Variants in FAM174B observed in about 807,000 individuals in gnomAD.
FAM174B encodes membrane protein FAM174B.
A neutral mutation model predicts 10.9 loss-of-function variants in FAM174B; 12 were observed. The ratio of observed to expected loss-of-function variants is 1.10; its 90% CI spans 0.71 to 1.79. The LOEUF is 1.79. Among genes scored for constraint, FAM174B ranks in the 40% most tolerant of loss-of-function variants. FAM174B has a pLI of 0.00. For synonymous variants in FAM174B, 132 were observed against 115.8 expected (o/e 1.14, Z -0.90); for missense variants, 266 against 233.3 (o/e 1.14, Z -0.91).
chr15:92,628,429 C>T (rs181806774), intron 2 of FAM174B, among the ~76,000 whole-genome samples: 8 of 149,474 alleles, frequency 5.4e-5, no homozygotes, highest in African/African-American at 9.9e-5. Flanking sequence ...ATCTGCACTC[C>T]TCGGCCTCTC....
intron 1 of FAM174B, 62 bp downstream of exon 1, chr15:92,655,254 C>A (rs892722662): frequency 4.8e-6 from 7 of 1,454,656 alleles, no homozygotes; most frequent in Non-Finnish European, 6.3e-6. Flanking sequence ...CGCGCGGCGA[C>A]AGCAGGTTGG....
At chr15:92,630,784 A>G (rs1468330971) in intron 1 of FAM174B, among the ~76,000 whole-genome samples, 1 of 87,094 alleles carries the variant, frequency 1.1e-5, no homozygotes, top group Non-Finnish European at 2.7e-5. Flanking sequence ...TATATTTTAT[A>G]TATTACATAT....
intron 1 of FAM174B, among the ~76,000 whole-genome samples, chr15:92,648,482 C>T (rs765334741): frequency 2.0e-5 from 3 of 152,162 alleles, no homozygotes; most frequent in Non-Finnish European, 4.4e-5. Context: ...GGAGACCTCG[C>T]TGGACAGGGC....
At chr15:92,626,180 T>G (rs1306005250) in intron 2 of FAM174B, among the ~76,000 whole-genome samples, 1 of 135,514 alleles carries the variant, frequency 7.4e-6, no homozygotes, top group Non-Finnish European at 1.5e-5. Context: ...CTCACTGCAA[T>G]CTCTGCCTCC....
chr15:92,626,139 A>ACGGAGTCTCACTCTTTCAC (rs373252541), intron 2 of FAM174B, among the ~76,000 whole-genome samples: 2 of 137,394 alleles, frequency 1.5e-5, no homozygotes, highest in African/African-American at 2.7e-5. Context: ...TTTTTTTGAG[A>ACGGAGTCTCACTCTTTCAC]CCAGGCCGGA....
chr15:92,635,120 G>GTC (rs71156651), intron 1 of FAM174B, among the ~76,000 whole-genome samples: 12 of 146,778 alleles, frequency 8.2e-5, no homozygotes, highest in African/African-American at 1.0e-4. Context: ...CTCTTTCTCT[G>GTC]TCTCTCTCTC....
At chr15:92,624,082 G>T (rs1376911242) in intron 2 of FAM174B, among the ~76,000 whole-genome samples, 1 of 152,150 alleles carries the variant, frequency 6.6e-6, no homozygotes. Context: ...CACCCTAAAT[G>T]AAAATTGCCC....
chr15:92,632,068 C>T (rs1241999611), intron 1 of FAM174B, among the ~76,000 whole-genome samples: 1 of 152,058 alleles, frequency 6.6e-6, no homozygotes, highest in Non-Finnish European at 1.5e-5. Flanking sequence ...ACAGCAGGCT[C>T]TTGGCAAAAG....
chr15:92,627,722 C>G (rs1461451099), intron 2 of FAM174B, among the ~76,000 whole-genome samples: 3 of 152,190 alleles, frequency 2.0e-5, no homozygotes, highest in Non-Finnish European at 4.4e-5. Flanking sequence ...AGAATCAAAA[C>G]AGTACATTGA....
chr15:92,633,133 G>A (rs377001840), intron 1 of FAM174B, among the ~76,000 whole-genome samples: 1 of 151,762 alleles, frequency 6.6e-6, no homozygotes, highest in East Asian at 1.9e-4. Flanking sequence ...AGTCATAAAC[G>A]GGGCACTGAA....
At position 92,617,857 on chromosome 15, in the gene FAM174B, A is replaced by T. The variant is rs2050689549; in HGVS notation, c.*1599T>A. 2.1e-6 allele frequency: 1 copy of T among 469,144 alleles called. No homozygotes were observed. Among genetic ancestry groups the T allele is most frequent in the Admixed American group, 4.2e-5 (1 of 23,684 alleles). The allele number at this position is 469,144 out of a possible 1,614,324, so 29.1% of individuals were successfully genotyped here. On this transcript the variant is annotated 3_prime_UTR_variant, in exon 3 of 3. Transcript: ENST00000327355. ...AGAAGGTGAAATGCAGGGAGCAGAG[A>T]CTACACGCAGGCCCCCCGTGGCTGG...
At chr15:92,619,733 G>C in intron 2 of FAM174B, 1 of 523,966 alleles carries the variant, frequency 1.9e-6, no homozygotes, top group South Asian at 2.9e-5. Flanking sequence ...CCCTCTCCTT[G>C]CCAGCACTTC....
intron 1 of FAM174B, among the ~76,000 whole-genome samples, chr15:92,637,293 T>C (rs753116447): frequency 2.0e-5 from 3 of 152,218 alleles, no homozygotes; most frequent in Non-Finnish European, 2.9e-5. Flanking sequence ...TAAGCCATCA[T>C]GCCACCATCT....
chr15:92,634,985 G>C (rs285755), intron 1 of FAM174B, among the ~76,000 whole-genome samples: 25,175 of 152,016 alleles, frequency 0.17, 2,219 homozygotes, highest in Middle Eastern at 0.24. Flanking sequence ...CAGCTTGTCC[G>C]CATTTAGGCT....
chr15:92,633,656 A>G (rs1311165315), intron 1 of FAM174B, among the ~76,000 whole-genome samples: 4 of 152,212 alleles, frequency 2.6e-5, no homozygotes, highest in Non-Finnish European at 5.9e-5. Flanking sequence ...CCTGGTGATA[A>G]GAGGATAAAC....
At chr15:92,621,517 G>A (rs962710252) in intron 2 of FAM174B, among the ~76,000 whole-genome samples, 3 of 151,498 alleles carry the variant, frequency 2.0e-5, no homozygotes, top group African/African-American at 7.3e-5. Context: ...GAGGCTGAGT[G>A]AGATGATCAC....
intron 1 of FAM174B, among the ~76,000 whole-genome samples, chr15:92,636,026 C>T (rs1387816694): frequency 6.6e-6 from 1 of 152,204 alleles, no homozygotes; most frequent in Non-Finnish European, 1.5e-5. Flanking sequence ...GAGAACAGTG[C>T]AGTTCTGCCT....
intron 1 of FAM174B, among the ~76,000 whole-genome samples, chr15:92,635,745 T>TAATTTTTG (rs2050851812): frequency 6.6e-6 from 1 of 152,132 alleles, no homozygotes; most frequent in Admixed American, 6.5e-5. Flanking sequence ...CATGCCCAGC[T>TAATTTTTG]AATTTTTGGA....
At chr15:92,643,617 T>C (rs986312722) in intron 1 of FAM174B, among the ~76,000 whole-genome samples, 3 of 151,966 alleles carry the variant, frequency 2.0e-5, no homozygotes. Flanking sequence ...TGAAATGGAG[T>C]AAGTCTGTGT....
Sources: gnomAD v4.1 joint callset for allele counts (sites outside exome capture counted in the v4.1 genomes callset) on GRCh38, gnomAD v4.1.1 for gene constraint, MANE v1.5 for transcripts, NCBI Gene and HGNC (gene_info 2026-07-23, HGNC 2026-07-21) for gene names.